The following NSUN7 variants were observed in gnomAD, a reference collection of about 807,000 sequenced individuals.
NSUN7 encodes NOP2/Sun RNA methyltransferase family member 7.
Under a neutral mutation model 58.5 loss-of-function variants are expected in NSUN7, and 39 were observed. The observed-to-expected ratio is 0.67, with a 90% CI of 0.52 to 0.87. The LOEUF is 0.87. Ranked by LOEUF, NSUN7 falls within the 40% of genes least tolerant of loss-of-function variation. The probability of loss-of-function intolerance (pLI) is 0.00; values close to 1 mark genes in which losing one functional copy is unlikely to be tolerated. For synonymous variants in NSUN7, 278 were observed against 303.7 expected (o/e 0.92, Z 0.88); for missense variants, 765 against 844.1 (o/e 0.91, Z 1.16).
At chr4:40,760,227 C>T (rs1191304234) in intron 2 of NSUN7, among the ~76,000 whole-genome samples, 2 of 152,076 alleles carry the variant, frequency 1.3e-5, no homozygotes, top group African/African-American at 4.8e-5. Context: ...TGATTCCATG[C>T]GGACCCTAGG....
Position 40,808,771 on chromosome 4 carries a change from C to T in NSUN7, c.1989C>T (p.Pro663=). 1.3e-6 allele frequency: 2 copies of T among 1,549,610 alleles called. No homozygotes were observed. The highest frequency in any genetic ancestry group is 8.7e-7 in the Non-Finnish European group (1 of 1,146,610). Residue 663 remains proline, a synonymous_variant, in exon 12 of 12, where the codon CCC becomes CCT. Coordinates refer to ENST00000381782, the MANE Select transcript of NSUN7 (RefSeq NM_024677.6). ...CAGTCTTTATGCCATTTTCAAGTCC[C>T]CAAGGGATCAGATCTCGGATGCCAA... ...LPPVFMPFSS[P]QGIRSRMPTQ...
intron 4 of NSUN7, among the ~76,000 whole-genome samples, chr4:40,769,247 A>G (rs115874864): frequency 2.0e-5 from 3 of 152,296 alleles, no homozygotes; most frequent in Non-Finnish European, 2.9e-5. Context: ...CTTTCCTGCA[A>G]TCTATTCCAC....
chr4:40,766,737 T>C (rs934461470), intron 4 of NSUN7, among the ~76,000 whole-genome samples: 3 of 152,092 alleles, frequency 2.0e-5, no homozygotes, highest in Non-Finnish European at 4.4e-5. Context: ...TGGTAAGCTA[T>C]TGATTATTGC....
At chr4:40,782,462 G>A (rs1253639252) in intron 7 of NSUN7, among the ~76,000 whole-genome samples, 2 of 151,870 alleles carry the variant, frequency 1.3e-5, no homozygotes, top group Admixed American at 1.3e-4. Context: ...CAGCTACGAG[G>A]GAGGCTGAGG....
At chr4:40,754,952 T>C (rs73235692) in intron 2 of NSUN7, among the ~76,000 whole-genome samples, 18,730 of 152,234 alleles carry the variant, frequency 0.12, 1,318 homozygotes, top group South Asian at 0.18. Context: ...AAAATGTTTT[T>C]TGAAATGAAG....
At chr4:40,766,511 A>G (rs1258320729) in intron 4 of NSUN7, among the ~76,000 whole-genome samples, 1 of 152,160 alleles carries the variant, frequency 6.6e-6, no homozygotes, top group Non-Finnish European at 1.5e-5. Context: ...TTTTCGCATC[A>G]ATGTTCATCA....
intron 4 of NSUN7, among the ~76,000 whole-genome samples, chr4:40,764,310 A>G (rs1377011347): frequency 1.4e-5 from 2 of 142,338 alleles, no homozygotes; most frequent in Non-Finnish European, 3.0e-5. Flanking sequence ...ATTCCCACCT[A>G]TAAGTGAGAA....
chr4:40,782,840 C>G (rs749323193), intron 7 of NSUN7, among the ~76,000 whole-genome samples: 26 of 152,008 alleles, frequency 1.7e-4, no homozygotes, highest in Non-Finnish European at 2.8e-4. Context: ...TGCACTCCAG[C>G]CTGGGCAACA....
intron 4 of NSUN7, among the ~76,000 whole-genome samples, chr4:40,766,846 C>T (rs1247709165): frequency 6.7e-6 from 1 of 150,246 alleles, no homozygotes; most frequent in African/African-American, 2.5e-5. Context: ...TCCATTTCTT[C>T]TAGATTTTCT....
At chr4:40,758,120 A>C (rs1370425236) in intron 2 of NSUN7, among the ~76,000 whole-genome samples, 4 of 152,050 alleles carry the variant, frequency 2.6e-5, no homozygotes. Context: ...GGGTTTCACC[A>C]TGTTAGCCAG....
At chr4:40,782,125 G>A (rs1049985092) in intron 7 of NSUN7, among the ~76,000 whole-genome samples, 1 of 151,876 alleles carries the variant, frequency 6.6e-6, no homozygotes, top group Non-Finnish European at 1.5e-5. Flanking sequence ...GATACAAAAC[G>A]AATATATAAA....
intron 10 of NSUN7, among the ~76,000 whole-genome samples, chr4:40,804,804 C>T (rs900713350): frequency 6.6e-6 from 1 of 152,080 alleles, no homozygotes. Context: ...GGTTAATTTG[C>T]TCACCTGGTC....
At chr4:40,805,811 C>T (rs1489079891) in intron 10 of NSUN7, among the ~76,000 whole-genome samples, 1 of 152,050 alleles carries the variant, frequency 6.6e-6, no homozygotes, top group Admixed American at 6.5e-5. Flanking sequence ...CCTTGCTGTT[C>T]TTTGGCTTGT....
intron 4 of NSUN7, among the ~76,000 whole-genome samples, chr4:40,771,133 G>T (rs568038840): frequency 1.2e-4 from 18 of 152,306 alleles, no homozygotes; most frequent in Non-Finnish European, 2.4e-4. Flanking sequence ...GCAAAAGAGG[G>T]ACTTTAAGAT....
At chr4:40,752,339 G>A (rs567149057) in intron 2 of NSUN7, among the ~76,000 whole-genome samples, 1 of 152,342 alleles carries the variant, frequency 6.6e-6, no homozygotes, top group East Asian at 1.9e-4. Context: ...TACTTTTGGA[G>A]GTGGAGGTGG....
intron 4 of NSUN7, among the ~76,000 whole-genome samples, chr4:40,772,852 CTCT>C (rs1276617026): frequency 6.6e-6 from 1 of 152,198 alleles, no homozygotes; most frequent in Admixed American, 6.5e-5. Flanking sequence ...TTTGTGACAT[CTCT>C]TCTTATTTCT....
chr4:40,806,443 AT>A (rs996038696), intron 10 of NSUN7, among the ~76,000 whole-genome samples: 1 of 152,204 alleles, frequency 6.6e-6, no homozygotes, highest in Non-Finnish European at 1.5e-5. Flanking sequence ...TTACTAAGAA[AT>A]GATAAATTCA....
chr4:40,782,004 T>G (rs1357900888), intron 7 of NSUN7, among the ~76,000 whole-genome samples: 4 of 152,070 alleles, frequency 2.6e-5, no homozygotes, highest in African/African-American at 4.8e-5. Context: ...CTAAAATATA[T>G]AGAGAGTAAA....
intron 2 of NSUN7, among the ~76,000 whole-genome samples, chr4:40,757,832 G>GA (rs1221042791): frequency 6.6e-6 from 1 of 151,490 alleles, no homozygotes. Flanking sequence ...GCCCTAGGGG[G>GA]AAAAAATGCA....
Sources: gnomAD v4.1 joint callset for allele counts (sites outside exome capture counted in the v4.1 genomes callset) on GRCh38, gnomAD v4.1.1 for gene constraint, MANE v1.5 for transcripts, NCBI Gene and HGNC (gene_info 2026-07-23, HGNC 2026-07-21) for gene names.